Variants in VPS13A observed in about 807,000 individuals in gnomAD.
The protein encoded by VPS13A is vacuolar protein sorting 13 homolog A.
Under a neutral mutation model 390.9 loss-of-function variants are expected in VPS13A, and 264 were observed. The ratio of observed to expected loss-of-function variants is 0.68; its 90% CI spans 0.61 to 0.75. The LOEUF is 0.75. Ranked by LOEUF, VPS13A falls within the 30% of genes least tolerant of loss-of-function variation. The probability of loss-of-function intolerance (pLI) is 0.00; values close to 1 mark genes in which losing one functional copy is unlikely to be tolerated. For synonymous variants in VPS13A, 1,231 were observed against 1,227.1 expected, an observed-to-expected ratio of 1.00 and a Z score of -0.07; for missense variants, 3,409 against 3,733.9, an observed-to-expected ratio of 0.91 and a Z score of 2.27.
At chr9:77,230,661 TG>T (rs1823780505) in intron 17 of VPS13A, among the ~76,000 whole-genome samples, 1 of 152,118 alleles carries the variant, frequency 6.6e-6, no homozygotes, top group African/African-American at 2.4e-5. Context: ...TCAGGAAGTA[TG>T]ACTCTTCCAG....
chr9:77,234,954 T>G (rs1390794042), intron 17 of VPS13A, among the ~76,000 whole-genome samples: 1 of 152,194 alleles, frequency 6.6e-6, no homozygotes, highest in Non-Finnish European at 1.5e-5. Flanking sequence ...GCAGCTCCAT[T>G]CTTCATCTTT....
chr9:77,218,270 T>C (rs1039115247), intron 10 of VPS13A, among the ~76,000 whole-genome samples: 4 of 151,946 alleles, frequency 2.6e-5, no homozygotes, highest in Non-Finnish European at 1.5e-5. Flanking sequence ...CCTGCCACCA[T>C]GCCCAGCTAA....
intron 28 of VPS13A, 84 bp downstream of exon 28, chr9:77,282,010 A>T (rs1827054796): frequency 1.5e-6 from 2 of 1,361,414 alleles, no homozygotes; most frequent in East Asian, 4.9e-5. Context: ...ATCCTTAAAG[A>T]TAAGAAAATA....
chr9:77,395,200 A>C (rs972093934), intron 68 of VPS13A, among the ~76,000 whole-genome samples: 1 of 152,220 alleles, frequency 6.6e-6, no homozygotes, highest in African/African-American at 2.4e-5. Flanking sequence ...AGTGATAGAC[A>C]TATAACTCTT....
intron 35 of VPS13A, among the ~76,000 whole-genome samples, chr9:77,312,144 A>G (rs886604985): frequency 5.3e-5 from 8 of 152,202 alleles, no homozygotes; most frequent in Admixed American, 4.6e-4. Context: ...AAAAGAAGAC[A>G]GTAATAAAAA....
intron 25 of VPS13A, 26 bp downstream of exon 25, chr9:77,275,678 G>T: frequency 6.2e-7 from 1 of 1,603,822 alleles, no homozygotes; most frequent in Non-Finnish European, 8.5e-7. Context: ...AAATTAACAT[G>T]GCTTAATTTG....
At chr9:77,203,565 G>T (rs938905249) in intron 3 of VPS13A, among the ~76,000 whole-genome samples, 4 of 152,172 alleles carry the variant, frequency 2.6e-5, no homozygotes, top group African/African-American at 9.7e-5. Context: ...TGGGGTTACA[G>T]ATGTGAGCCA....
intron 67 of VPS13A, among the ~76,000 whole-genome samples, chr9:77,378,999 T>C (rs1316258650): frequency 2.6e-5 from 4 of 151,738 alleles, no homozygotes; most frequent in Non-Finnish European, 5.9e-5. Flanking sequence ...TTCATAAATT[T>C]CTCTTATTTA....
chr9:77,399,161 G>T (rs1834245259), intron 68 of VPS13A, among the ~76,000 whole-genome samples: 1 of 86,344 alleles, frequency 1.2e-5, no homozygotes, highest in East Asian at 4.1e-4. Context: ...AAAACTTAGA[G>T]TATAATAAAA....
chr9:77,310,190 C>A (rs978346292), intron 35 of VPS13A, among the ~76,000 whole-genome samples: 1 of 152,078 alleles, frequency 6.6e-6, no homozygotes, highest in Admixed American at 6.5e-5. Context: ...GTCAGGAAAT[C>A]TAGGAAACAG....
At chr9:77,260,321 A>G (rs1053932989) in intron 23 of VPS13A, 97 bp downstream of exon 23, 73 of 1,243,530 alleles carry the variant, frequency 5.9e-5, no homozygotes, top group Non-Finnish European at 7.4e-5. Flanking sequence ...ACAATTTGCA[A>G]TTTGTTTTGA....
chr9:77,415,973 A>G lies in VPS13A; in HGVS notation c.9492A>G (p.Leu3164=), dbSNP rs538279569. The G allele has an allele frequency of 1.9e-5, 30 of 1,613,572 alleles. No homozygotes were observed. The East Asian group carries it at 6.0e-4, about 32-fold the overall frequency. ...PEDARWILTK[L]QEAREPSPSL ...CACCGCAGTGGATCCTCACAAAGCT[A>G]CAAGAAGCAAGAGAACCTTCTCCGA... The change falls in exon 72 of 72, where the codon CTA becomes CTG. Residue 3164 remains leucine, a synonymous_variant. Coordinates refer to ENST00000360280, the MANE Select transcript of VPS13A (RefSeq NM_033305.3).
In VPS13A at chr9:77,203,580, G is replaced by A. The variant is rs138740779; in HGVS notation, c.188-1733G>A. Among the ~76,000 whole-genome samples, 835 of 152,236 alleles carry A rather than the reference G, an allele frequency of 5.5e-3. 9 individuals carry two copies. Among genetic ancestry groups the A allele is most frequent in the African/African-American group, 0.019 (802 of 41,526 alleles). On this transcript the variant is annotated intron_variant, in intron 3 of 71. Transcript: ENST00000360280. ...TGGGGTTACAGATGTGAGCCACTGC[G>A]CCTGGTCAAGTTTGGATTTTTTAAA...
chr9:77,248,478 A>G (rs1372305162), intron 20 of VPS13A, among the ~76,000 whole-genome samples: 1 of 150,758 alleles, frequency 6.6e-6, no homozygotes, highest in Admixed American at 6.6e-5. Flanking sequence ...TCGGCCTCCC[A>G]AAGTGCTGGG....
At chr9:77,264,111 T>C (rs1342975741) in intron 23 of VPS13A, among the ~76,000 whole-genome samples, 1 of 152,136 alleles carries the variant, frequency 6.6e-6, no homozygotes, top group Non-Finnish European at 1.5e-5. Flanking sequence ...TCTAGATGTG[T>C]GGTGTTATTT....
At chr9:77,407,470 A>G (rs1335221620) in intron 70 of VPS13A, 63 bp from the exon 71 acceptor site, 11 of 1,382,320 alleles carry the variant, frequency 8.0e-6, no homozygotes, top group Non-Finnish European at 9.3e-6. Context: ...GCTTTGTGGC[A>G]TTTCTTTATG....
At chr9:77,325,210 A>G (rs1294196055) in intron 45 of VPS13A, among the ~76,000 whole-genome samples, 1 of 152,206 alleles carries the variant, frequency 6.6e-6, no homozygotes, top group African/African-American at 2.4e-5. Flanking sequence ...TGAGAATCTA[A>G]TGCTCTGGCT....
chr9:77,302,951 G>T lies in VPS13A; in HGVS notation c.3849G>T (p.Leu1283=), dbSNP rs564786954. The change falls in exon 34 of 72, where the codon CTG becomes CTT. Residue 1283 remains leucine, a synonymous_variant. Coordinates refer to ENST00000360280, the MANE Select transcript of VPS13A (RefSeq NM_033305.3). The part of the protein sequence containing the change: ...RFINDAYQEV[L]DLLLPLNLEV... The stretch of plus-strand genomic sequence containing the variant: ...TTAATGATGCATACCAGGAAGTACT[G>T]GATCTACTCCTGCCATTAAATCTTG... 4 of 1,613,774 alleles carry T rather than the reference G, an allele frequency of 2.5e-6. No individual in the cohort carries two copies. Among genetic ancestry groups the T allele is most frequent in the East Asian group, 2.2e-5 (1 of 44,826 alleles).
intron 1 of VPS13A, among the ~76,000 whole-genome samples, chr9:77,193,287 T>G (rs1824790344): frequency 6.6e-6 from 1 of 152,186 alleles, no homozygotes; most frequent in African/African-American, 2.4e-5. Context: ...TTCAACTTTC[T>G]CCCGAATTTC....
Sources: gnomAD v4.1 joint callset for allele counts (sites outside exome capture counted in the v4.1 genomes callset) on GRCh38, gnomAD v4.1.1 for gene constraint, MANE v1.5 for transcripts, NCBI Gene and HGNC (gene_info 2026-07-23, HGNC 2026-07-21) for gene names.